DGLUCY: variants seen among roughly 807,000 people sequenced by gnomAD.
DGLUCY encodes D-glutamate cyclase, also known as D-glutamate cyclase, mitochondrial.
A neutral mutation model predicts 58.5 loss-of-function variants in DGLUCY; 58 were observed. The observed-to-expected ratio is 0.99, with a 90% CI of 0.80 to 1.23. DGLUCY has a LOEUF of 1.23. DGLUCY is among the 50% of genes most tolerant of loss of function. The probability of loss-of-function intolerance (pLI) is 0.00; values close to 1 mark genes in which losing one functional copy is unlikely to be tolerated. For missense variants in DGLUCY, 779 were observed against 784.7 expected (o/e 0.99, Z 0.09); for synonymous variants, 325 against 314.1 (o/e 1.03, Z -0.37).
chr14:91,167,180 A>G, intron 3 of DGLUCY, 45 bp from the exon 4 acceptor site: 1 of 1,540,422 alleles, frequency 6.5e-7, no homozygotes, highest in East Asian at 2.3e-5. Flanking sequence ...GTGTCTGCCA[A>G]GAAACCGCTG....
chr14:91,220,210 G>A (rs2401982), intron 13 of DGLUCY, among the ~76,000 whole-genome samples: 27,249 of 152,240 alleles, frequency 0.18, 3,260 homozygotes, highest in Non-Finnish European at 0.26. Context: ...CCCTGGCTCC[G>A]CCCACTTCAG....
chr14:91,092,709 A>G lies in DGLUCY; in HGVS notation c.-82+32005A>G, dbSNP rs528292561. ...TTCATGGCCCCAGATTGGGAACCAA[A>G]GGAGTATGCAATTCAACATAATCCT... is the stretch of plus-strand genomic sequence containing the variant. On this transcript the variant is annotated intron_variant, in intron 1 of 4. Coordinates refer to the DGLUCY transcript ENST00000521334. Among the ~76,000 whole-genome samples the G allele has an allele frequency of 7.2e-5, 11 of 152,348 alleles. No homozygotes were observed. In the South Asian group the frequency reaches 2.3e-3, roughly 32 times the overall value.
chr14:91,114,361 A>G (rs1236715564), intron 1 of DGLUCY, 78 bp downstream of exon 1: 2 of 152,142 alleles, frequency 1.3e-5, no homozygotes, highest in African/African-American at 4.8e-5. Context: ...CGCCCCACCT[A>G]AGGAGCCCAA....
In DGLUCY at chr14:91,182,898, G is replaced by GTTATTTTATTTTATTTTATT. The variant is rs59683770; in HGVS notation, c.934+1517_934+1536dup. 1.6e-3 allele frequency among the ~76,000 whole-genome samples: 244 copies of GTTATTTTATTTTATTTTATT among 149,572 alleles called. 1 individual carries two copies. Among genetic ancestry groups the GTTATTTTATTTTATTTTATT allele is most frequent in the African/African-American group, 4.8e-3 (194 of 40,642 alleles). Reference sequence around the variant, plus strand: ...CTAGGGGACCTGCTGATTCCAATTAGTTATTTTATTTTATTTTATTTTATT... The same window carrying GTTATTTTATTTTATTTTATT: ...CTAGGGGACCTGCTGATTCCAATTAGTTATTTTATTTTATTTTATTTTATTTTATTTTATTTTATTTTATT... On this transcript the variant is annotated intron_variant, in intron 8 of 13. Coordinates refer to ENST00000256324, the MANE Select transcript of DGLUCY (RefSeq NM_001102368.3).
chr14:91,065,828 A>G (rs1369832503), intron 1 of DGLUCY, among the ~76,000 whole-genome samples: 1 of 152,170 alleles, frequency 6.6e-6, no homozygotes, highest in Non-Finnish European at 1.5e-5. Flanking sequence ...TAGTGATGTG[A>G]CCAGACAGCT....
At chr14:91,218,161 G>A (rs1316821323) in intron 13 of DGLUCY, among the ~76,000 whole-genome samples, 1 of 152,154 alleles carries the variant, frequency 6.6e-6, no homozygotes, top group African/African-American at 2.4e-5. Context: ...GAAATGGTCT[G>A]CCCTAGAGGG....
At chr14:91,066,798 C>T (rs530523686) in intron 1 of DGLUCY, among the ~76,000 whole-genome samples, 1 of 151,972 alleles carries the variant, frequency 6.6e-6, no homozygotes, top group South Asian at 2.1e-4. Flanking sequence ...AGAGTTATTT[C>T]GGCCGGGCGC....
chr14:91,212,949 C>T (rs1223830452), intron 12 of DGLUCY, among the ~76,000 whole-genome samples: 2 of 146,490 alleles, frequency 1.4e-5, no homozygotes, highest in Non-Finnish European at 3.0e-5. Flanking sequence ...TGCAGTGAGC[C>T]GAGATCATGC....
intron 3 of DGLUCY, among the ~76,000 whole-genome samples, chr14:91,165,840 AC>A (rs1327863190): frequency 9.2e-5 from 14 of 152,306 alleles, no homozygotes; most frequent in Middle Eastern, 3.4e-3. Flanking sequence ...TGTATAACTT[AC>A]CACCCCAGAA....
chr14:91,193,138 A>G (rs2050002469), intron 9 of DGLUCY, among the ~76,000 whole-genome samples: 1 of 152,210 alleles, frequency 6.6e-6, no homozygotes, highest in Non-Finnish European at 1.5e-5. Flanking sequence ...CAGAACAGCC[A>G]GCGAGGGAGA....
chr14:91,195,372 G>C (rs1481885725), intron 9 of DGLUCY, among the ~76,000 whole-genome samples: 1 of 152,130 alleles, frequency 6.6e-6, no homozygotes, highest in Admixed American at 6.5e-5. Flanking sequence ...AACAATACGT[G>C]TTCTTTTTGT....
chr14:91,064,622 C>CAAAAA (rs35830145), intron 1 of DGLUCY, among the ~76,000 whole-genome samples: 331 of 54,180 alleles, frequency 6.1e-3, no homozygotes, highest in Non-Finnish European at 7.5e-3. Context: ...GACTCTGTCT[C>CAAAAA]AAAAAAAAAA....
Position 91,063,243 on chromosome 14 carries a change from A to G in DGLUCY, c.-82+2539A>G, listed in dbSNP as rs556803889. The stretch of plus-strand genomic sequence containing the variant: ...TCTCATTTCCTCTTCCTAGACACAC[A>G]GGAAGACTTTTTTTTTTTTTTTCTT... On this transcript the variant is annotated intron_variant, in intron 1 of 4. Transcript: ENST00000521334. Among the ~76,000 whole-genome samples the G allele has an allele frequency of 4.0e-5, 6 of 151,554 alleles. No homozygotes were observed. In the East Asian group the frequency reaches 1.2e-3, roughly 29 times the overall value.
chr14:91,101,786 G>A (rs1017675705), intron 1 of DGLUCY, among the ~76,000 whole-genome samples: 1 of 152,086 alleles, frequency 6.6e-6, no homozygotes, highest in Non-Finnish European at 1.5e-5. Flanking sequence ...ACAGTTCACT[G>A]CAGCTTCAAG....
intron 1 of DGLUCY, among the ~76,000 whole-genome samples, chr14:91,084,514 C>G (rs1007114072): frequency 3.3e-5 from 5 of 151,948 alleles, no homozygotes; most frequent in Admixed American, 3.3e-4. Context: ...CCATCTGTCT[C>G]TCATGCATCT....
chr14:91,123,855 C>T (rs953712880), intron 1 of DGLUCY, among the ~76,000 whole-genome samples: 6 of 151,334 alleles, frequency 4.0e-5, no homozygotes, highest in Non-Finnish European at 5.9e-5. Context: ...TGGGATTACA[C>T]GCATGAGCCA....
intron 1 of DGLUCY, among the ~76,000 whole-genome samples, chr14:91,154,558 CTTAT>C (rs1272159456): frequency 1.3e-5 from 2 of 152,208 alleles, no homozygotes; most frequent in Non-Finnish European, 2.9e-5. Flanking sequence ...TTTTAGCGAT[CTTAT>C]TTAGGAACAA....
intron 6 of DGLUCY, 99 bp downstream of exon 6, chr14:91,173,538 C>T (rs753241196): frequency 2.6e-5 from 36 of 1,410,168 alleles, no homozygotes; most frequent in Non-Finnish European, 3.0e-5. Context: ...TTCACATCGG[C>T]GACCCAGGTC....
rs913704091 is a variant in DGLUCY at position 91,141,553 on chromosome 14, A to T, written c.-81-16086A>T. On this transcript the variant is annotated intron_variant, in intron 1 of 13. Transcript: ENST00000256324. ...ATACAATGGATACTCAGAGAGGTTAATTTTTTTTTTTTTTTTTGAAGCGGA... is the reference window on the plus strand; with the variant it reads ...ATACAATGGATACTCAGAGAGGTTATTTTTTTTTTTTTTTTTTGAAGCGGA... Among the ~76,000 whole-genome samples the T allele has an allele frequency of 2.2e-5, 3 of 138,102 alleles. No individual in the cohort carries two copies. In the East Asian group the frequency reaches 6.5e-4, roughly 30 times the overall value. The allele number at this position is 138,102 out of a possible 152,430, so 90.6% of individuals were successfully genotyped here.
Sources: allele counts gnomAD v4.1 joint callset (sites outside exome capture counted in the v4.1 genomes callset), GRCh38; gene constraint gnomAD v4.1.1; transcripts MANE v1.5; gene names NCBI Gene and HGNC (gene_info 2026-07-23, HGNC 2026-07-21).